The following RAB15 variants were observed in gnomAD, a reference collection of about 807,000 sequenced individuals.
RAB15 encodes RAB15, member RAS oncogene family, also known as ras-related protein Rab-15.
In RAB15, 13 loss-of-function variants were observed where a neutral mutation model predicts 31.8. That is an observed-to-expected ratio of 0.41 (90% CI 0.27 to 0.65). The LOEUF is 0.65. Among genes scored for constraint, RAB15 ranks in the 30% least tolerant of loss-of-function variants. The pLI, the probability that RAB15 is intolerant of heterozygous loss-of-function variation, is 0.32. For missense variants in RAB15, 220 were observed against 277.3 expected, an observed-to-expected ratio of 0.79 and a Z score of 1.47; for synonymous variants, 100 against 105.6, an observed-to-expected ratio of 0.95 and a Z score of 0.33.
rs1305540409 is a variant in RAB15 at position 64,948,822 on chromosome 14, C to T, written c.415-89G>A. On this transcript the variant is annotated intron_variant, in intron 5 of 6. Transcript: ENST00000533601. The surrounding 1 kb of genome is among the most constrained non-coding windows in gnomAD (Gnocchi z 7.0). ...GCACAGGCTTCTGCCACTGCACTCA[C>T]AACCATGCTGTGTTGTGACGATTTC... 8.9e-7 allele frequency: 1 copy of T among 1,129,578 alleles called. No individual in the cohort carries two copies. The allele number at this position is 1,129,578 out of a possible 1,614,324, so 70.0% of individuals were successfully genotyped here. A position where few individuals can be genotyped will look rare whatever the true frequency, so the allele number is the denominator to read the frequency against.
rs1358422192 is a variant in RAB15, at chr14:64,951,425, T to C, written c.246+178A>G. Among the ~76,000 whole-genome samples the C allele has an allele frequency of 6.6e-6, 1 of 152,066 alleles. No individual in the cohort carries two copies. Among genetic ancestry groups the C allele is most frequent in the African/African-American group, 2.4e-5 (1 of 41,408 alleles). On this transcript the variant is annotated intron_variant, in intron 3 of 6. Transcript: ENST00000533601. The surrounding 1 kb of genome is among the most constrained non-coding windows in gnomAD (Gnocchi z 7.2). ...GGTGAGGGCAGGGGCCTGCCTGCAGTGAGTGGGCCATGAACAATGGACGGA... is the reference window on the plus strand; with the variant it reads ...GGTGAGGGCAGGGGCCTGCCTGCAGCGAGTGGGCCATGAACAATGGACGGA...
rs1886019325 is a variant in RAB15 at position 64,948,187 on chromosome 14, A to AT, written c.*166dup. The AT allele has an allele frequency of 3.0e-6, 2 of 670,822 alleles. No homozygotes were observed. Among genetic ancestry groups the AT allele is most frequent in the Non-Finnish European group, 4.7e-6 (2 of 429,298 alleles). The allele number at this position is 670,822 out of a possible 1,614,324, so 41.6% of individuals were successfully genotyped here. ...GGGCTGGGGACAGGGGCTGCTTGAG[A>AT]TGACAGCAGAGCCGCTCTCAGGGCC... On this transcript the variant is annotated 3_prime_UTR_variant, in exon 7 of 7. Transcript: ENST00000533601. The surrounding 1 kb of genome is among the most constrained non-coding windows in gnomAD (Gnocchi z 7.0).
Position 64,954,823 on chromosome 14 carries a change from TC to T in RAB15, c.125-2253del, listed in dbSNP as rs1886455808. On this transcript the variant is annotated intron_variant, in intron 1 of 6. Coordinates refer to ENST00000533601, the MANE Select transcript of RAB15 (RefSeq NM_001308154.2). This position sits in a 1 kb window ranked among gnomAD's most constrained non-coding sequence, Gnocchi z 4.3. ...CTGGAAGCCCTAACTCTGCTTAGTT[TC>T]CTTTTTGCCTGTGGGTGCCTGAGAA... Among the ~76,000 whole-genome samples, 1 of 152,228 alleles carries T rather than the reference TC, an allele frequency of 6.6e-6. No homozygotes were observed. Among genetic ancestry groups the T allele is most frequent in the African/African-American group, 2.4e-5 (1 of 41,466 alleles).
chr14:64,955,331 C>T lies in RAB15; in HGVS notation c.125-2760G>A, dbSNP rs1886489119. On this transcript the variant is annotated intron_variant, in intron 1 of 6. Transcript: ENST00000533601. The surrounding 1 kb of genome is among the most constrained non-coding windows in gnomAD (Gnocchi z 4.4). ...ATTGCTTCTGCGCTCTGTTCCCACA[C>T]AACCTGGGCCTTCAGCTGTGTCCAC... Among the ~76,000 whole-genome samples, 1 of 152,200 alleles carries T rather than the reference C, an allele frequency of 6.6e-6. No individual in the cohort carries two copies. Among genetic ancestry groups the T allele is most frequent in the East Asian group, 1.9e-4 (1 of 5,194 alleles).
At position 64,962,999 on chromosome 14, in the gene RAB15, C is replaced by A. The variant is rs550252119; in HGVS notation, c.124+8954G>T. Among the ~76,000 whole-genome samples, 1 of 151,994 alleles carries A rather than the reference C, an allele frequency of 6.6e-6. No individual in the cohort carries two copies. The highest frequency in any genetic ancestry group is 1.9e-4 in the East Asian group (1 of 5,168). ...CCCTGCTCCTATGTGATGCTGAGAT[C>A]TCTATACACTGAATAAATGGCATGC... On this transcript the variant is annotated intron_variant, in intron 1 of 6. Coordinates refer to ENST00000533601, the MANE Select transcript of RAB15 (RefSeq NM_001308154.2). This position sits in a 1 kb window ranked among gnomAD's most constrained non-coding sequence, Gnocchi z 4.2.
At chr14:64,969,493 G>A (rs1265922004) in intron 1 of RAB15, among the ~76,000 whole-genome samples, 1 of 152,202 alleles carries the variant, frequency 6.6e-6, no homozygotes, top group Non-Finnish European at 1.5e-5. Context: ...ATACCCAGTG[G>A]GGCAGATTTT....
At chr14:64,963,144 G>T (rs1434905858) in intron 1 of RAB15, among the ~76,000 whole-genome samples, 2 of 126,626 alleles carry the variant, frequency 1.6e-5, no homozygotes, top group Non-Finnish European at 3.2e-5. Flanking sequence ...TTTGAGACAG[G>T]GTCTCACTCT....
rs1005808356 is a variant in RAB15 at position 64,953,413 on chromosome 14, G to A, written c.125-842C>T. Among the ~76,000 whole-genome samples, 2 of 152,186 alleles carry A rather than the reference G, an allele frequency of 1.3e-5. No homozygotes were observed. Among genetic ancestry groups the A allele is most frequent in the Non-Finnish European group, 2.9e-5 (2 of 68,042 alleles). ...AGCTGTCATGAGCTAGTGCAGGGCC[G>A]GGTACATGCGGGTGCTTATGAGTGA... On this transcript the variant is annotated intron_variant, in intron 1 of 6. Coordinates refer to ENST00000533601, the MANE Select transcript of RAB15 (RefSeq NM_001308154.2). This position sits in a 1 kb window ranked among gnomAD's most constrained non-coding sequence, Gnocchi z 4.6.
Position 64,971,759 on chromosome 14 carries a change from C to T in RAB15, c.124+194G>A, listed in dbSNP as rs1395937742. On this transcript the variant is annotated intron_variant, in intron 1 of 6. Transcript: ENST00000533601. The surrounding 1 kb of genome is among the most constrained non-coding windows in gnomAD (Gnocchi z 4.1). ...GAGGCGGGAGACCCCACCCCTGGTC[C>T]GGACGGCAGGCAGCAGGGACACCCT... 1.5e-5 allele frequency: 9 copies of T among 590,834 alleles called. No individual in the cohort carries two copies. Among genetic ancestry groups the T allele is most frequent in the Admixed American group, 9.3e-5 (3 of 32,320 alleles). The allele number at this position is 590,834 out of a possible 1,614,324, so 36.6% of individuals were successfully genotyped here. A position where few individuals can be genotyped will look rare whatever the true frequency, so the allele number is the denominator to read the frequency against.
At position 64,950,397 on chromosome 14, in the gene RAB15, G is replaced by A; in HGVS notation, c.342C>T (p.Val114=). Residue 114 remains valine, a synonymous_variant, in exon 5 of 7, where the codon GTC becomes GTT. Transcript: ENST00000533601. The surrounding 1 kb of genome is among the most constrained non-coding windows in gnomAD (Gnocchi z 5.6). ...SDVDEYAPEG[V]QKILIGNKAD... ...CCTTATTCCCAATAAGGATCTTCTG[G>A]ACGCCTTCTGGTGCGTACTAGGGAC... The A allele has an allele frequency of 6.2e-7, 1 of 1,614,014 alleles. No individual in the cohort carries two copies. The highest frequency in any genetic ancestry group is 8.5e-7 in the Non-Finnish European group (1 of 1,179,960).
chr14:64,961,010 C>T (rs982535425), intron 1 of RAB15, among the ~76,000 whole-genome samples: 1 of 152,224 alleles, frequency 6.6e-6, no homozygotes, highest in African/African-American at 2.4e-5. Context: ...CCGCATGCTT[C>T]AGTGGAAACA....
intron 1 of RAB15, among the ~76,000 whole-genome samples, chr14:64,969,532 T>A (rs1887318192): frequency 6.6e-6 from 1 of 152,238 alleles, no homozygotes; most frequent in African/African-American, 2.4e-5. Flanking sequence ...AAGACAGGTT[T>A]CTTTCTATTC....
At position 64,951,743 on chromosome 14, in the gene RAB15, G is replaced by A; in HGVS notation, c.186-80C>T. On this transcript the variant is annotated intron_variant, in intron 2 of 6. Coordinates refer to ENST00000533601, the MANE Select transcript of RAB15 (RefSeq NM_001308154.2). The surrounding 1 kb of genome is among the most constrained non-coding windows in gnomAD (Gnocchi z 7.2). ...AGGGGAAGAGCAGAGCTGTCCCCTT[G>A]TAGGAAAAACTGGGGAGCTAAAGGG... The A allele has an allele frequency of 3.1e-6, 4 of 1,301,422 alleles. No homozygotes were observed. Among genetic ancestry groups the A allele is most frequent in the Non-Finnish European group, 4.5e-6 (4 of 895,720 alleles). The allele number at this position is 1,301,422 out of a possible 1,614,324, so 80.6% of individuals were successfully genotyped here.
chr14:64,963,965 C>A (rs1035144765), intron 1 of RAB15, among the ~76,000 whole-genome samples: 3 of 152,200 alleles, frequency 2.0e-5, no homozygotes, highest in African/African-American at 7.2e-5. Context: ...CCTGACATTT[C>A]TTTTGCATAA....
chr14:64,964,116 A>G (rs371776001), intron 1 of RAB15, among the ~76,000 whole-genome samples: 10 of 152,354 alleles, frequency 6.6e-5, no homozygotes, highest in African/African-American at 2.4e-4. Flanking sequence ...GAGTAAATGA[A>G]AGCAAAAATG....
At chr14:64,969,336 T>G (rs1016635639) in intron 1 of RAB15, among the ~76,000 whole-genome samples, 4 of 152,220 alleles carry the variant, frequency 2.6e-5, no homozygotes, top group Admixed American at 2.6e-4. Context: ...TCTACCTCCT[T>G]GAGAAACTGT....
Position 64,948,432 on chromosome 14 carries a change from C to G in RAB15, c.561G>C (p.Glu187Asp). The G allele has an allele frequency of 6.2e-7, 1 of 1,613,864 alleles. No homozygotes were observed. The highest frequency in any genetic ancestry group is 8.5e-7 in the Non-Finnish European group (1 of 1,179,908). The change falls in exon 7 of 7, where the codon GAG (glutamate) becomes GAC (aspartate). Residue 187 changes from glutamate to aspartate, a missense_variant. By Grantham distance (45) the Glu-to-Asp change is conservative (BLOSUM62 2). Coordinates refer to ENST00000533601, the MANE Select transcript of RAB15 (RefSeq NM_001308154.2). The surrounding 1 kb of genome is among the most constrained non-coding windows in gnomAD (Gnocchi z 7.0). ...CCTCCTCCAGCTCTGCCAGTGCCAA[C>G]TCATTGCTGGCACGCATCCGGAGGC... is the stretch of plus-strand genomic sequence containing the variant. Reference protein sequence around the residue: ...LEGLRMRASNELALAELEEEE... With the variant: ...LEGLRMRASNDLALAELEEEE...
chr14:64,971,362 C>T lies in RAB15; in HGVS notation c.124+591G>A, dbSNP rs1487287421. Among the ~76,000 whole-genome samples, 2 of 152,186 alleles carry T rather than the reference C, an allele frequency of 1.3e-5. No homozygotes were observed. The highest frequency in any genetic ancestry group is 4.8e-5 in the African/African-American group (2 of 41,452). On this transcript the variant is annotated intron_variant, in intron 1 of 6. Transcript: ENST00000533601. This position sits in a 1 kb window ranked among gnomAD's most constrained non-coding sequence, Gnocchi z 4.1. The stretch of plus-strand genomic sequence containing the variant: ...TTAGCCTCCCTCAGAACAGATGTCT[C>T]CTCTTCCCAGGCGCAGGGGCTCCTC...
rs1371115095 is a variant in RAB15, at chr14:64,953,260, A to G, written c.125-689T>C. ...GCCACTCATAGCTCATTGCTATAAC[A>G]TCAGGCACCTTGCTTCACTGAGCGT... On this transcript the variant is annotated intron_variant, in intron 1 of 6. Transcript: ENST00000533601. This position sits in a 1 kb window ranked among gnomAD's most constrained non-coding sequence, Gnocchi z 4.6. Among the ~76,000 whole-genome samples the G allele has an allele frequency of 6.6e-6, 1 of 152,224 alleles. No individual in the cohort carries two copies. Among genetic ancestry groups the G allele is most frequent in the African/African-American group, 2.4e-5 (1 of 41,450 alleles).
Sources: gnomAD v4.1 joint callset for allele counts (sites outside exome capture counted in the v4.1 genomes callset) on GRCh38, gnomAD v4.1.1 for gene constraint, Gnocchi (gnomAD v3.1) non-coding constraint, MANE v1.5 for transcripts, NCBI Gene and HGNC (gene_info 2026-07-23, HGNC 2026-07-21) for gene names.